Variants in PCDHGA4 observed in about 807,000 individuals in gnomAD.
PCDHGA4 encodes the protein protocadherin gamma subfamily A, 4, also known as protocadherin gamma-A4.
PCDHGA4 carries 38 observed loss-of-function variants against 54.6 expected under a neutral mutation model. The ratio of observed to expected loss-of-function variants is 0.70; its 90% confidence interval spans 0.54 to 0.91. The LOEUF (loss-of-function observed/expected upper bound fraction) is 0.91, where lower values mean the gene tolerates loss of function less well. PCDHGA4 is among the 40% of genes least tolerant of loss of function. PCDHGA4 has a pLI of 0.00. For synonymous variants in PCDHGA4, 511 were observed against 512.9 expected, an observed-to-expected ratio of 1.00 and a Z score of 0.05; for missense variants, 1,298 against 1,220.9, an observed-to-expected ratio of 1.06 and a Z score of -0.94.
rs756243026 is a variant in PCDHGA4, at chr5:141,487,478, T to C, written c.2515-7329T>C. On this transcript the variant is annotated intron_variant, in intron 1 of 3. Transcript: ENST00000571252. This position sits in a 1 kb window ranked among gnomAD's most constrained non-coding sequence, Gnocchi z 5.0. ...CAAGTTTGTTGATGTGGGAGGCCAC[T>C]CTCATGGCTGTACACCCTTGGCTTC... is the stretch of plus-strand genomic sequence containing the variant. 6 of 1,614,078 alleles carry C rather than the reference T, an allele frequency of 3.7e-6. No individual in the cohort carries two copies. In the Admixed American group the frequency reaches 1.0e-4, roughly 27 times the overall value.
chr5:141,392,640 A>T, intron 1 of PCDHGA4: 1 of 651,284 alleles, frequency 1.5e-6, no homozygotes, highest in Non-Finnish European at 2.5e-6. Context: ...CTCACACCTC[A>T]CGAAGACCCG....
In PCDHGA4 at chr5:141,400,030, C is replaced by T. The variant is rs201599536; in HGVS notation, c.2514+42409C>T. 180 of 1,613,050 alleles carry T rather than the reference C, an allele frequency of 1.1e-4. No individual in the cohort carries two copies. Among genetic ancestry groups the T allele is most frequent in the East Asian group, 1.6e-4 (7 of 44,886 alleles). On this transcript the variant is annotated intron_variant, in intron 1 of 3. Coordinates refer to ENST00000571252, the MANE Select transcript of PCDHGA4 (RefSeq NM_018917.4). Reference sequence around the variant, plus strand: ...TGCCTTGGGCGACAGGGACGCGGCCCGCCAGCGCCTGCTGGTTGCTGTGCG... The same window carrying T: ...TGCCTTGGGCGACAGGGACGCGGCCTGCCAGCGCCTGCTGGTTGCTGTGCG...
chr5:141,423,765 G>A (rs775053869), intron 1 of PCDHGA4: 11 of 233,406 alleles, frequency 4.7e-5, no homozygotes, highest in Admixed American at 1.2e-4. Context: ...GGGGGGTGGG[G>A]CGGCATATAT....
In PCDHGA4 at chr5:141,432,866, G is replaced by C. The variant is rs139832920; in HGVS notation, c.2515-61941G>C. 8 of 1,614,152 alleles carry C rather than the reference G, an allele frequency of 5.0e-6. No individual in the cohort carries two copies. Among genetic ancestry groups the C allele is most frequent in the South Asian group, 2.2e-5 (2 of 91,074 alleles). On this transcript the variant is annotated intron_variant, in intron 1 of 3. Coordinates refer to ENST00000571252, the MANE Select transcript of PCDHGA4 (RefSeq NM_018917.4). The surrounding 1 kb of genome is among the most constrained non-coding windows in gnomAD (Gnocchi z 6.0). ...GGTAGCGGTGGCCGCGGTCTCCTGC[G>C]TCTTCCTGGCCTTCGTCATCTTGCT...
At chr5:141,467,103 AGTACAATG>A (rs1438695307) in intron 1 of PCDHGA4, among the ~76,000 whole-genome samples, 1 of 147,462 alleles carries the variant, frequency 6.8e-6, no homozygotes, top group East Asian at 2.0e-4. Flanking sequence ...CACAGGCTGG[AGTACAATG>A]GTGCAATCTC....
intron 1 of PCDHGA4, chr5:141,384,930 C>G (rs764481830): frequency 6.2e-7 from 1 of 1,614,060 alleles, no homozygotes; most frequent in Admixed American, 1.7e-5. Context: ...ACCTGGGCAG[C>G]CTTGAGCCCT....
chr5:141,490,793 C>T lies in PCDHGA4; in HGVS notation c.2515-4014C>T, dbSNP rs2233608. 6 of 1,613,812 alleles carry T rather than the reference C, an allele frequency of 3.7e-6. No homozygotes were observed. The East Asian group carries it at 1.3e-4, about 36-fold the overall frequency. On this transcript the variant is annotated intron_variant, in intron 1 of 3. Transcript: ENST00000571252. This position sits in a 1 kb window ranked among gnomAD's most constrained non-coding sequence, Gnocchi z 5.4. Reference sequence around the variant, plus strand: ...AACCCAGAGGATGGACGGATCTTTGCCCAGCGTACCTTTGACTATGAATTG... The same window carrying T: ...AACCCAGAGGATGGACGGATCTTTGTCCAGCGTACCTTTGACTATGAATTG...
At chr5:141,436,105 A>G (rs2097796181) in intron 1 of PCDHGA4, among the ~76,000 whole-genome samples, 2 of 152,198 alleles carry the variant, frequency 1.3e-5, no homozygotes, top group African/African-American at 4.8e-5. Context: ...GAAATAGAGG[A>G]CAATGAAACC....
intron 1 of PCDHGA4, chr5:141,377,510 T>C (rs990813838): frequency 6.6e-6 from 1 of 152,006 alleles, no homozygotes; most frequent in African/African-American, 2.4e-5. Context: ...ATAGGAGGAT[T>C]GCTTAAGTCC....
chr5:141,394,347 G>A lies in PCDHGA4; in HGVS notation c.2514+36726G>A, dbSNP rs770737407. 1.9e-6 allele frequency: 3 copies of A among 1,614,118 alleles called. No homozygotes were observed. The South Asian group carries it at 3.3e-5, about 18-fold the overall frequency. On this transcript the variant is annotated intron_variant, in intron 1 of 3. Coordinates refer to ENST00000571252, the MANE Select transcript of PCDHGA4 (RefSeq NM_018917.4). ...GTATATCTCCATCAACTCTGACACC[G>A]GTGTCCTGTATGCGCTGCAATCTTT...
At chr5:141,507,003 G>A (rs569257489) in intron 3 of PCDHGA4, 3 of 152,342 alleles carry the variant, frequency 2.0e-5, no homozygotes, top group African/African-American at 7.2e-5. Context: ...CGACAGATGA[G>A]AGAACCGAGA....
chr5:141,478,514 G>A, intron 1 of PCDHGA4: 2 of 1,611,534 alleles, frequency 1.2e-6, no homozygotes, highest in Non-Finnish European at 1.7e-6. Context: ...CTATAGGCAG[G>A]TGTTGGGTGC....
At chr5:141,375,326 G>C (rs1771348524) in intron 1 of PCDHGA4, 1 of 1,613,776 alleles carries the variant, frequency 6.2e-7, no homozygotes. Flanking sequence ...CCGGGAAGAG[G>C]TATTCTTGTA....
In PCDHGA4 at chr5:141,415,516, G is replaced by T. The variant is rs199990575; in HGVS notation, c.2514+57895G>T. The T allele has an allele frequency of 1.9e-6, 3 of 1,614,220 alleles. No individual in the cohort carries two copies. In the African/African-American group the frequency reaches 4.0e-5, roughly 22 times the overall value. ...GATCTTCCCCCAGCCCAATTATGCG[G>T]ACACGCTCATCAGCCAGGAGAGCTG... On this transcript the variant is annotated intron_variant, in intron 1 of 3. Coordinates refer to ENST00000571252, the MANE Select transcript of PCDHGA4 (RefSeq NM_018917.4).
chr5:141,403,204 G>A, intron 1 of PCDHGA4: 4 of 1,613,952 alleles, frequency 2.5e-6, no homozygotes, highest in Non-Finnish European at 3.4e-6. Flanking sequence ...GCGGCACCTT[G>A]GTCACCGCGG....
intron 1 of PCDHGA4, among the ~76,000 whole-genome samples, chr5:141,454,379 T>A (rs770736083): frequency 1.2e-3 from 179 of 152,316 alleles, no homozygotes; most frequent in Non-Finnish European, 2.1e-3. Flanking sequence ...TGGCAACTTG[T>A]CAAGATGAAG....
chr5:141,394,362 C>T, intron 1 of PCDHGA4: 1 of 1,614,174 alleles, frequency 6.2e-7, no homozygotes, highest in Non-Finnish European at 8.5e-7. Flanking sequence ...CCTGTATGCG[C>T]TGCAATCTTT....
At position 141,487,937 on chromosome 5, in the gene PCDHGA4, T is replaced by G; in HGVS notation, c.2515-6870T>G. 2 of 603,606 alleles carry G rather than the reference T, an allele frequency of 3.3e-6. No homozygotes were observed. The highest frequency in any genetic ancestry group is 2.9e-6 in the Non-Finnish European group (1 of 345,124). 37.4% of individuals were successfully genotyped at this position (603,606 alleles called of 1,614,324 possible). ...GGAGGCTACAGTGCACAGGGTACAG[T>G]GCACCAGGCAGTCACTTGGACAAAG... On this transcript the variant is annotated intron_variant, in intron 1 of 3. Transcript: ENST00000571252. The surrounding 1 kb of genome is among the most constrained non-coding windows in gnomAD (Gnocchi z 5.0).
chr5:141,400,044 G>C lies in PCDHGA4; in HGVS notation c.2514+42423G>C, dbSNP rs745775469. 4 of 1,613,556 alleles carry C rather than the reference G, an allele frequency of 2.5e-6. No homozygotes were observed. In the South Asian group the frequency reaches 4.4e-5, roughly 18 times the overall value. On this transcript the variant is annotated intron_variant, in intron 1 of 3. Coordinates refer to ENST00000571252, the MANE Select transcript of PCDHGA4 (RefSeq NM_018917.4). ...GGGACGCGGCCCGCCAGCGCCTGCT[G>C]GTTGCTGTGCGTGATGGTGGACAGC...
Sources: gnomAD v4.1 joint callset for allele counts (sites outside exome capture counted in the v4.1 genomes callset) on GRCh38, gnomAD v4.1.1 for gene constraint, Gnocchi (gnomAD v3.1) non-coding constraint, MANE v1.5 for transcripts, NCBI Gene and HGNC (gene_info 2026-07-23, HGNC 2026-07-21) for gene names.